Variants in TNKS observed in about 807,000 individuals in gnomAD.
The protein encoded by TNKS is tankyrase.
In TNKS, 72 loss-of-function variants were observed where a neutral mutation model predicts 135.8. That is an observed-to-expected ratio of 0.53 (90% CI 0.44 to 0.64). The LOEUF is 0.64. TNKS is among the 30% of genes least tolerant of loss of function. The pLI is 0.00. For missense variants in TNKS, 1,769 were observed against 1,674.0 expected, an observed-to-expected ratio of 1.06 and a Z score of -0.99; for synonymous variants, 849 against 649.3, an observed-to-expected ratio of 1.31 and a Z score of -4.68.
At chr8:9,557,073 T>C (rs1478698451) in intron 1 of TNKS, 1 of 187,342 alleles carries the variant, frequency 5.3e-6, no homozygotes, top group Non-Finnish European at 1.1e-5. Context: ...AATAACCCAA[T>C]GAAAGACATA....
At position 9,748,164 on chromosome 8, in the gene TNKS, C is replaced by T. The variant is rs763333509; in HGVS notation, c.2784C>T (p.Asp928=). The change falls in exon 18 of 27, where the codon GAC becomes GAT. Residue 928 remains aspartate (D), a synonymous_variant. Coordinates refer to ENST00000310430, the MANE Select transcript of TNKS (RefSeq NM_003747.3). ...LCALLLAHGA[D]PTMKNQEGQT... ...CCCTCCTCCTAGCGCATGGTGCAGA[C>T]CCCACCATGAAGAACCAGGAAGGCC... is the stretch of plus-strand genomic sequence containing the variant. 1.9e-6 allele frequency: 3 copies of T among 1,600,654 alleles called. No individual in the cohort carries two copies. The highest frequency in any genetic ancestry group is 1.1e-5 in the South Asian group (1 of 88,870).
intron 1 of TNKS, among the ~76,000 whole-genome samples, chr8:9,567,478 C>CG (rs1351740501): frequency 1.4e-4 from 21 of 152,248 alleles, no homozygotes; most frequent in Admixed American, 3.9e-4. Context: ...CGCAGTGGCG[C>CG]GATCTTGGCT....
In TNKS at chr8:9,770,219, A is replaced by G. The variant is rs767692118; in HGVS notation, c.3854A>G (p.Asn1285Ser). Reference protein sequence around the residue: ...HHSVIGRPSVNGLAYAEYVIY... With the variant: ...HHSVIGRPSVSGLAYAEYVIY... Reference sequence around the variant, plus strand: ...TCAGTCATTGGTAGACCGAGCGTCAATGGGCTGGCATATGCTGAATATGTC... The same window carrying G: ...TCAGTCATTGGTAGACCGAGCGTCAGTGGGCTGGCATATGCTGAATATGTC... Residue 1285 changes from asparagine (N) to serine (S), a missense_variant, in exon 26 of 27, where the codon AAT becomes AGT. Asn to Ser is a conservative substitution (Grantham distance 46). Transcript: ENST00000310430. The G allele has an allele frequency of 3.5e-5, 57 of 1,613,308 alleles. No homozygotes were observed. Among genetic ancestry groups the G allele is most frequent in the East Asian group, 2.2e-4 (10 of 44,880 alleles).
intron 17 of TNKS, among the ~76,000 whole-genome samples, chr8:9,746,241 A>G (rs561898645): frequency 2.6e-5 from 4 of 152,332 alleles, no homozygotes; most frequent in African/African-American, 9.6e-5. Context: ...TTAAGTGCTA[A>G]CCAGCCTAAC....
chr8:9,578,505 A>G (rs1232780940), intron 1 of TNKS, among the ~76,000 whole-genome samples: 1 of 152,234 alleles, frequency 6.6e-6, no homozygotes, highest in Non-Finnish European at 1.5e-5. Context: ...TTTTCTACGG[A>G]AACCTCATTC....
chr8:9,631,990 G>C (rs1800310488), intron 3 of TNKS, among the ~76,000 whole-genome samples: 1 of 152,044 alleles, frequency 6.6e-6, no homozygotes, highest in Non-Finnish European at 1.5e-5. Context: ...TAAAACCTTT[G>C]ACAAAGCTTT....
intron 3 of TNKS, among the ~76,000 whole-genome samples, chr8:9,632,810 A>G (rs1231653649): frequency 6.6e-6 from 1 of 152,094 alleles, no homozygotes; most frequent in Non-Finnish European, 1.5e-5. Flanking sequence ...GCTCGCTGCA[A>G]GCTCCGCCTC....
At chr8:9,587,582 T>G (rs1414134913) in intron 2 of TNKS, among the ~76,000 whole-genome samples, 1 of 152,014 alleles carries the variant, frequency 6.6e-6, no homozygotes, top group Non-Finnish European at 1.5e-5. Context: ...TTTTGTATTT[T>G]TAGTAGAAAC....
chr8:9,661,234 T>C lies in TNKS; in HGVS notation c.995-18717T>C, dbSNP rs1801695056. On this transcript the variant is annotated intron_variant, in intron 3 of 26. Coordinates refer to ENST00000310430, the MANE Select transcript of TNKS (RefSeq NM_003747.3). The stretch of plus-strand genomic sequence containing the variant: ...TCTTCACAGAATTGGAAACAACTAC[T>C]TTAAAGTTCATATGGAATCAAAAAA... Among the ~76,000 whole-genome samples, 5 of 152,170 alleles carry C rather than the reference T, an allele frequency of 3.3e-5. No homozygotes were observed. The South Asian group carries it at 1.0e-3, about 32-fold the overall frequency.
intron 9 of TNKS, among the ~76,000 whole-genome samples, chr8:9,709,555 A>G (rs1804214320): frequency 1.3e-5 from 2 of 152,140 alleles, no homozygotes; most frequent in Non-Finnish European, 2.9e-5. Context: ...TGCTGGGAGT[A>G]CCTCTGTAGA....
chr8:9,602,021 T>A (rs1022970282), intron 2 of TNKS, among the ~76,000 whole-genome samples: 2 of 152,126 alleles, frequency 1.3e-5, no homozygotes, highest in Non-Finnish European at 2.9e-5. Context: ...GGGACAGTTT[T>A]ACCCCTTAGA....
At chr8:9,776,149 A>C (rs753713848) in intron 26 of TNKS, among the ~76,000 whole-genome samples, 20 of 152,292 alleles carry the variant, frequency 1.3e-4, no homozygotes, top group Non-Finnish European at 2.5e-4. Flanking sequence ...TCAGTTTTTA[A>C]ATATTGTTCC....
At chr8:9,588,680 T>C (rs1309216213) in intron 2 of TNKS, among the ~76,000 whole-genome samples, 1 of 152,232 alleles carries the variant, frequency 6.6e-6, no homozygotes, top group Non-Finnish European at 1.5e-5. Flanking sequence ...AATATTTCTT[T>C]CTTTTCTACC....
intron 3 of TNKS, among the ~76,000 whole-genome samples, chr8:9,658,942 T>A (rs1314284285): frequency 5.9e-5 from 9 of 152,192 alleles, no homozygotes; most frequent in Non-Finnish European, 1.3e-4. Context: ...ATCGTAGTCT[T>A]GGATAAAACA....
chr8:9,642,156 T>C (rs1316206618), intron 3 of TNKS, among the ~76,000 whole-genome samples: 1 of 146,202 alleles, frequency 6.8e-6, no homozygotes, highest in African/African-American at 2.5e-5. Flanking sequence ...GCTTAGGTAG[T>C]CTTTGCTACC....
Position 9,658,126 on chromosome 8 carries a change from G to A in TNKS, c.995-21825G>A, listed in dbSNP as rs1204604496. On this transcript the variant is annotated intron_variant, in intron 3 of 26. Transcript: ENST00000310430. ...CTCCTCACTTCCTAGATGGGATGGC[G>A]GCCGGGCGGAGACGCTCCTCACTTT... Among the ~76,000 whole-genome samples, 23 of 106,686 alleles carry A rather than the reference G, an allele frequency of 2.2e-4. No individual in the cohort carries two copies. The East Asian group carries it at 6.4e-3, about 30-fold the overall frequency. The allele number at this position is 106,686 out of a possible 152,430, so 70.0% of individuals were successfully genotyped here.
At chr8:9,644,248 G>A (rs1397372096) in intron 3 of TNKS, among the ~76,000 whole-genome samples, 1 of 152,136 alleles carries the variant, frequency 6.6e-6, no homozygotes, top group Non-Finnish European at 1.5e-5. Context: ...ACTTAAAAGT[G>A]GTTAAGGTGA....
At chr8:9,616,613 A>G (rs1799654873) in intron 3 of TNKS, among the ~76,000 whole-genome samples, 1 of 152,192 alleles carries the variant, frequency 6.6e-6, no homozygotes, top group Admixed American at 6.5e-5. Flanking sequence ...CGAAGGGAAA[A>G]CGTTTATGTA....
intron 2 of TNKS, among the ~76,000 whole-genome samples, chr8:9,611,784 G>A (rs1799473483): frequency 6.6e-6 from 1 of 152,188 alleles, no homozygotes; most frequent in African/African-American, 2.4e-5. Flanking sequence ...AATTCTATTT[G>A]AGAAATTGCT....
Sources: gnomAD v4.1 joint callset for allele counts (sites outside exome capture counted in the v4.1 genomes callset) on GRCh38, gnomAD v4.1.1 for gene constraint, MANE v1.5 for transcripts, NCBI Gene and HGNC (gene_info 2026-07-23, HGNC 2026-07-21) for gene names.